SMARCA2: variants seen among roughly 807,000 people sequenced by gnomAD.
The protein encoded by SMARCA2 is SWI/SNF related BAF chromatin remodeling complex subunit ATPase 2.
In SMARCA2, 61 loss-of-function variants were observed where a neutral mutation model predicts 199.8. The observed-to-expected ratio is 0.31, with a 90% CI of 0.25 to 0.38. SMARCA2 has a LOEUF of 0.38. Among genes scored for constraint, SMARCA2 ranks in the 10% least tolerant of loss-of-function variants. The probability of loss-of-function intolerance (pLI) is 1.00; values close to 1 mark genes in which losing one functional copy is unlikely to be tolerated. For synonymous variants in SMARCA2, 935 were observed against 732.0 expected (o/e 1.28, Z -4.48); for missense variants, 1,344 against 2,012.2 (o/e 0.67, Z 6.35).
At chr9:2,156,414 CTTTTTTTTTTTTTTT>C (rs57161267) in intron 27 of SMARCA2, among the ~76,000 whole-genome samples, 122 of 69,168 alleles carry the variant, frequency 1.8e-3, no homozygotes, top group Middle Eastern at 9.1e-3. Flanking sequence ...CCATTTTAGA[CTTTTTTTTTTTTTTT>C]TTTTTTTTTT....
At chr9:2,126,931 G>T (rs1297612737) in intron 27 of SMARCA2, among the ~76,000 whole-genome samples, 1 of 152,158 alleles carries the variant, frequency 6.6e-6, no homozygotes, top group African/African-American at 2.4e-5. Flanking sequence ...CTTCTCCTCA[G>T]AGGCCTTGAT....
In SMARCA2 at chr9:2,057,475, C is replaced by A. The variant is rs145405955; in HGVS notation, c.1347+630C>A. On this transcript the variant is annotated intron_variant, in intron 7 of 33. Transcript: ENST00000349721. Reference sequence around the variant, plus strand: ...CATAACAGGTGTCATGTTCATAATCCCATGGGAAGTTTTTGAATGGGTGGG... The same window carrying A: ...CATAACAGGTGTCATGTTCATAATCACATGGGAAGTTTTTGAATGGGTGGG... Among the ~76,000 whole-genome samples, 546 of 152,208 alleles carry A rather than the reference C, an allele frequency of 3.6e-3. 2 individuals are homozygous for A. The highest frequency in any genetic ancestry group is 0.013 in the African/African-American group (539 of 41,508).
At chr9:2,099,675 T>G (rs1441696755) in intron 21 of SMARCA2, among the ~76,000 whole-genome samples, 2 of 152,190 alleles carry the variant, frequency 1.3e-5, no homozygotes, top group Non-Finnish European at 2.9e-5. Context: ...GCAAATCTAT[T>G]GACAACTATG....
At chr9:2,157,592 T>G (rs1825432510) in intron 27 of SMARCA2, 1 of 294,468 alleles carries the variant, frequency 3.4e-6, no homozygotes. Context: ...GAAATTTCCA[T>G]GCCTTGTCTG....
intron 13 of SMARCA2, among the ~76,000 whole-genome samples, chr9:2,077,324 G>T (rs1397665473): frequency 6.6e-6 from 1 of 152,136 alleles, no homozygotes; most frequent in Non-Finnish European, 1.5e-5. Flanking sequence ...TGTCTTTTGG[G>T]TCAAGGGGGC....
intron 27 of SMARCA2, among the ~76,000 whole-genome samples, chr9:2,151,769 C>G (rs1002932696): frequency 6.6e-6 from 1 of 151,680 alleles, no homozygotes; most frequent in Non-Finnish European, 1.5e-5. Context: ...AATATGTAAA[C>G]CACACTGAAA....
rs1821830318 is a variant in SMARCA2, at chr9:2,087,090, T to A, written c.2769+19T>A. 2.5e-6 allele frequency: 4 copies of A among 1,613,438 alleles called. No homozygotes were observed. The African/African-American group carries it at 5.3e-5, about 22-fold the overall frequency. On this transcript the variant is annotated intron_variant, in intron 18 of 33. Coordinates refer to ENST00000349721, the MANE Select transcript of SMARCA2 (RefSeq NM_003070.5). ...TGAAAGGGTACTGGTCTGAGTTCTGTTTTTTCCACTGCATGATAATGACAT... is the reference window on the plus strand; with the variant it reads ...TGAAAGGGTACTGGTCTGAGTTCTGATTTTTCCACTGCATGATAATGACAT...
At chr9:2,177,850 C>T (rs1438336578) in intron 29 of SMARCA2, among the ~76,000 whole-genome samples, 1 of 152,172 alleles carries the variant, frequency 6.6e-6, no homozygotes, top group Non-Finnish European at 1.5e-5. Flanking sequence ...CCGTGCCCGG[C>T]CAGAGGTAGA....
intron 27 of SMARCA2, chr9:2,160,515 A>G (rs1432565390): frequency 3.1e-6 from 2 of 654,980 alleles, no homozygotes; most frequent in Admixed American, 2.1e-5. Context: ...AGCGTTGTAC[A>G]TAAGTGAAAG....
In SMARCA2 at chr9:2,020,543, C is replaced by A. The variant is rs1221921230; in HGVS notation, c.-37+5139C>A. Reference sequence around the variant, plus strand: ...GTCTAAAACTATGTTCTGCCAGAGTCATTATGAAAGAGAGCATATTTATTT... The same window carrying A: ...GTCTAAAACTATGTTCTGCCAGAGTAATTATGAAAGAGAGCATATTTATTT... On this transcript the variant is annotated intron_variant, in intron 1 of 33. Coordinates refer to ENST00000349721, the MANE Select transcript of SMARCA2 (RefSeq NM_003070.5). Among the ~76,000 whole-genome samples the A allele has an allele frequency of 2.6e-5, 4 of 152,244 alleles. No individual in the cohort carries two copies. In the East Asian group the frequency reaches 7.7e-4, roughly 29 times the overall value.
intron 28 of SMARCA2, among the ~76,000 whole-genome samples, chr9:2,166,763 C>G (rs995584457): frequency 6.6e-6 from 1 of 152,166 alleles, no homozygotes; most frequent in Non-Finnish European, 1.5e-5. Flanking sequence ...ACCAGTAATC[C>G]TTAAGGTTGG....
rs965470379 is a variant in SMARCA2 at position 2,046,839 on chromosome 9, A to G, written c.791-390A>G. 2.8e-4 allele frequency among the ~76,000 whole-genome samples: 42 copies of G among 152,162 alleles called. 1 individual carries two copies. Among genetic ancestry groups the G allele is most frequent in the African/African-American group, 7.7e-4 (32 of 41,442 alleles). On this transcript the variant is annotated intron_variant, in intron 4 of 33. Coordinates refer to ENST00000349721, the MANE Select transcript of SMARCA2 (RefSeq NM_003070.5). ...TGCACCTGTAATTAAAAAAAGAAAA[A>G]GAAAGAAACCCATTGCAGAGCTACA...
chr9:2,096,612 C>T (rs771305201), intron 19 of SMARCA2, 45 bp from the exon 20 acceptor site: 1 of 1,255,758 alleles, frequency 8.0e-7, no homozygotes, highest in Admixed American at 1.7e-5. Flanking sequence ...GAACAGGCGC[C>T]TTCTCCTTCC....
At chr9:2,070,738 T>C (rs1821054043) in intron 10 of SMARCA2, among the ~76,000 whole-genome samples, 1 of 152,242 alleles carries the variant, frequency 6.6e-6, no homozygotes, top group African/African-American at 2.4e-5. Context: ...TAATCGTATG[T>C]TTACAAATAT....
chr9:2,159,287 G>A, intron 27 of SMARCA2: 1 of 350,050 alleles, frequency 2.9e-6, no homozygotes, highest in East Asian at 4.8e-5. Flanking sequence ...AAAGTGAAGT[G>A]TTACAGTTGT....
At position 2,060,743 on chromosome 9, in the gene SMARCA2, G is replaced by A. The variant is rs1273147842; in HGVS notation, c.1522-73G>A. 4.2e-6 allele frequency: 6 copies of A among 1,412,930 alleles called. No homozygotes were observed. In the East Asian group the frequency reaches 6.9e-5, roughly 16 times the overall value. 87.5% of individuals were successfully genotyped at this position (1,412,930 alleles called of 1,614,324 possible). A position where few individuals can be genotyped will look rare whatever the true frequency, so the allele number is the denominator to read the frequency against. On this transcript the variant is annotated intron_variant, in intron 8 of 33. Coordinates refer to ENST00000349721, the MANE Select transcript of SMARCA2 (RefSeq NM_003070.5). ...CAGTCAAAATGCAGACTGTCAAGGG[G>A]AGGACAGAGTGGAGAGTGGAGTTGT...
intron 27 of SMARCA2, chr9:2,160,330 TAGGCTCAG>T (rs1169327096): frequency 2.2e-6 from 1 of 461,100 alleles, no homozygotes; most frequent in Non-Finnish European, 3.9e-6. Context: ...TATTAAGGCC[TAGGCTCAG>T]ACTGTCCCTT....
At chr9:2,172,223 T>C (rs753749151) in intron 29 of SMARCA2, among the ~76,000 whole-genome samples, 8 of 143,400 alleles carry the variant, frequency 5.6e-5, no homozygotes, top group Non-Finnish European at 1.2e-4. Context: ...AGGCTCTTTG[T>C]AAGTACTGAA....
chr9:2,066,182 T>C (rs550434043), intron 9 of SMARCA2, among the ~76,000 whole-genome samples: 175 of 152,354 alleles, frequency 1.1e-3, no homozygotes, highest in African/African-American at 4.0e-3. Flanking sequence ...TTCAGTATAT[T>C]ATAATAACAC....
Sources: gnomAD v4.1 joint callset for allele counts (sites outside exome capture counted in the v4.1 genomes callset) on GRCh38, gnomAD v4.1.1 for gene constraint, MANE v1.5 for transcripts, NCBI Gene and HGNC (gene_info 2026-07-23, HGNC 2026-07-21) for gene names.